SYNE2: variants seen among roughly 807,000 people sequenced by gnomAD.
SYNE2 encodes spectrin repeat containing nuclear envelope protein 2.
SYNE2 carries 431 observed loss-of-function variants against 856.3 expected under a neutral mutation model. The observed-to-expected ratio is 0.50, with a 90% CI of 0.47 to 0.55. The LOEUF (loss-of-function observed/expected upper bound fraction) is 0.55, where lower values mean the gene tolerates loss of function less well. SYNE2 is among the 20% of genes least tolerant of loss of function. SYNE2 has a pLI of 0.00. For synonymous variants in SYNE2, 2,923 were observed against 2,872.3 expected (o/e 1.02, Z -0.56); for missense variants, 8,129 against 8,023.2 (o/e 1.01, Z -0.50).
chr14:63,913,062 T>G (rs1480390872), intron 2 of SYNE2, among the ~76,000 whole-genome samples: 1 of 152,036 alleles, frequency 6.6e-6, no homozygotes, highest in Non-Finnish European at 1.5e-5. Context: ...GCCTCCCAAG[T>G]AGCTGGTACT....
chr14:63,877,875 C>CTTT (rs35343922), intron 1 of SYNE2, among the ~76,000 whole-genome samples: 12 of 148,030 alleles, frequency 8.1e-5, no homozygotes, highest in African/African-American at 9.9e-5. Flanking sequence ...ATTAGCTACA[C>CTTT]TTTTTTTTTT....
intron 96 of SYNE2, 24 bp from the exon 97 acceptor site, chr14:64,186,400 C>T: frequency 6.2e-7 from 1 of 1,613,954 alleles, no homozygotes; most frequent in East Asian, 2.2e-5. Flanking sequence ...AGGCTTTTTA[C>T]CCCCTTCTTG....
At chr14:64,189,976 T>G (rs1414306260) in intron 98 of SYNE2, 95 bp from the exon 99 acceptor site, 1 of 1,447,780 alleles carries the variant, frequency 6.9e-7, no homozygotes, top group Non-Finnish European at 9.3e-7. Flanking sequence ...TTTTTTTTTT[T>G]TTTTTAATTT....
At position 64,091,004 on chromosome 14, in the gene SYNE2, A is replaced by G; in HGVS notation, c.11932A>G (p.Lys3978Glu). The change falls in exon 60 of 116, where the codon AAA becomes GAA. Residue 3978 changes from lysine to glutamate, a missense_variant. Lys to Glu is a moderately conservative substitution (Grantham distance 56). Transcript: ENST00000555002. ...QRTNQLLQDIKLLENVTQEQN... is the reference protein window; with the variant it reads ...QRTNQLLQDIELLENVTQEQN... The stretch of plus-strand genomic sequence containing the variant: ...GACAAATCAGCTTTTACAAGATATA[A>G]AACTATTGGAAAATGTGACTCAAGA... 1.2e-6 allele frequency: 2 copies of G among 1,614,160 alleles called. No individual in the cohort carries two copies. Among genetic ancestry groups the G allele is most frequent in the Non-Finnish European group, 1.7e-6 (2 of 1,179,988 alleles).
chr14:63,960,594 A>G (rs1168842498), intron 8 of SYNE2: 10 of 579,760 alleles, frequency 1.7e-5, no homozygotes, highest in Non-Finnish European at 2.8e-5. Flanking sequence ...TAATTAATAA[A>G]TAAACAGTGA....
chr14:64,106,437 C>A lies in SYNE2; in HGVS notation c.12493-1054C>A, dbSNP rs947039834. ...GGCCGAGGCGAGTGGATCACGAGGT[C>A]AGGAGATCAAGATCATCCTGGCTAA... On this transcript the variant is annotated intron_variant, in intron 64 of 115. Transcript: ENST00000555002. 9.2e-5 allele frequency among the ~76,000 whole-genome samples: 14 copies of A among 152,260 alleles called. No homozygotes were observed. The East Asian group carries it at 2.7e-3, about 29-fold the overall frequency.
intron 14 of SYNE2, among the ~76,000 whole-genome samples, chr14:63,979,344 C>T (rs1414289457): frequency 6.6e-6 from 1 of 152,040 alleles, no homozygotes; most frequent in Non-Finnish European, 1.5e-5. Context: ...ATTTTTGTTT[C>T]CTTTTCAGAT....
intron 84 of SYNE2, among the ~76,000 whole-genome samples, chr14:64,146,836 G>A (rs61987285): frequency 0.022 from 3,378 of 152,294 alleles, 44 homozygotes; most frequent in African/African-American, 0.036. Flanking sequence ...GGCGGCACAC[G>A]CTGTGCTGTT....
chr14:64,020,089 TGCAGG>T lies in SYNE2; in HGVS notation c.5148_5151+1del. 1 of 1,607,332 alleles carries T rather than the reference TGCAGG, an allele frequency of 6.2e-7. No individual in the cohort carries two copies. The highest frequency in any genetic ancestry group is 1.3e-5 in the African/African-American group (1 of 74,926). On this transcript the variant is annotated splice_donor_variant and coding_sequence_variant, in exon 35 of 116. Transcript: ENST00000555002. LOFTEE classifies it high-confidence loss of function. ...CAAAGCAGTGAAATACCTCTTGAAT[TGCAGG>T]TAAGAATTTTTATTTAAAAGTTTCA...
intron 1 of SYNE2, among the ~76,000 whole-genome samples, chr14:63,844,435 GGTTGCTACCAA>G (rs1890167335): frequency 6.6e-6 from 1 of 152,132 alleles, no homozygotes; most frequent in South Asian, 2.1e-4. Context: ...AGGACATCTT[GGTTGCTACCAA>G]GTTTTGGCAA....
At chr14:64,204,355 G>A (rs997947244) in intron 100 of SYNE2, 9 of 152,186 alleles carry the variant, frequency 5.9e-5, no homozygotes, top group Non-Finnish European at 1.5e-5. Context: ...ACTGTGAAAA[G>A]GCAAGGCCTT....
chr14:63,989,348 A>AT (rs2052298231), intron 19 of SYNE2, among the ~76,000 whole-genome samples: 1 of 151,882 alleles, frequency 6.6e-6, no homozygotes, highest in South Asian at 2.1e-4. Context: ...TTATTTTATT[A>AT]TTTTTTTGAG....
upstream of SYNE2, among the ~76,000 whole-genome samples, chr14:63,761,612 C>T (rs535821165): frequency 6.6e-6 from 1 of 152,264 alleles, no homozygotes; most frequent in Non-Finnish European, 1.5e-5. Context: ...AAGGATGTTC[C>T]TTTTCTTCAG....
chr14:64,140,767 G>A (rs1024436415), intron 80 of SYNE2, among the ~76,000 whole-genome samples: 1 of 151,444 alleles, frequency 6.6e-6, no homozygotes, highest in African/African-American at 2.4e-5. Context: ...GGTGTTTTTT[G>A]GAAAAAAATT....
chr14:64,104,760 T>C (rs997400033), intron 64 of SYNE2, among the ~76,000 whole-genome samples: 1 of 152,148 alleles, frequency 6.6e-6, no homozygotes, highest in Non-Finnish European at 1.5e-5. Flanking sequence ...CTCTCTGTTT[T>C]CTTTCAGGGC....
At chr14:64,141,830 C>CTTATATAT (rs2098141446) in intron 81 of SYNE2, 112 bp from the exon 82 acceptor site, 1 of 1,340,344 alleles carries the variant, frequency 7.5e-7, no homozygotes, top group African/African-American at 1.5e-5. Context: ...TTTGAGTAAC[C>CTTATATAT]TGCATAATTA....
At chr14:64,172,525 C>A (rs1193289866) in intron 94 of SYNE2, among the ~76,000 whole-genome samples, 1 of 152,132 alleles carries the variant, frequency 6.6e-6, no homozygotes, top group African/African-American at 2.4e-5. Flanking sequence ...AGATTCTTAT[C>A]CCGAGAACAA....
chr14:64,049,710 A>G lies in SYNE2; in HGVS notation c.7477A>G (p.Asn2493Asp). 1 of 1,614,174 alleles carries G rather than the reference A, an allele frequency of 6.2e-7. No homozygotes were observed. The highest frequency in any genetic ancestry group is 1.1e-5 in the South Asian group (1 of 91,088). Residue 2493 changes from asparagine (N) to aspartate (D), a missense_variant, in exon 47 of 116, where the codon AAT (asparagine) becomes GAT (aspartate). Asn to Asp is a conservative substitution (Grantham distance 23). This residue lies in a region of SYNE2 where 5,410 missense variants were observed against 5,284.8 expected (regional missense o/e 1.02). Coordinates refer to ENST00000555002, the MANE Select transcript of SYNE2 (RefSeq NM_182914.3). Reference sequence around the variant, plus strand: ...AGAAACTGGGGCCTTGGTTCTCCACAATATAGGATATTCGGCACAGCATTT... The same window carrying G: ...AGAAACTGGGGCCTTGGTTCTCCACGATATAGGATATTCGGCACAGCATTT... ...KTETGALVLHNIGYSAQHLDN... is the reference protein window; with the variant it reads ...KTETGALVLHDIGYSAQHLDN...
At chr14:64,123,942 C>G (rs896120396) in intron 70 of SYNE2, among the ~76,000 whole-genome samples, 3 of 151,050 alleles carry the variant, frequency 2.0e-5, no homozygotes, top group Non-Finnish European at 4.4e-5. Flanking sequence ...CAGTGGCTCA[C>G]GCCTATAATC....
Sources: gnomAD v4.1 joint callset for allele counts (sites outside exome capture counted in the v4.1 genomes callset) on GRCh38, gnomAD v4.1.1 for gene constraint, gnomAD v4.1.1 regional missense constraint, MANE v1.5 for transcripts, NCBI Gene and HGNC (gene_info 2026-07-23, HGNC 2026-07-21) for gene names.